The following UQCC6 variants were observed in gnomAD, a reference collection of about 807,000 sequenced individuals.
UQCC6 encodes ubiquinol-cytochrome c reductase complex assembly factor 6, also known as protein BRAWNIN.
chr12:103,956,644 T>C, the UQCC6 span: 417 of 1,550,438 alleles, frequency 2.7e-4, 8 homozygotes, highest in South Asian at 4.6e-3. Flanking sequence ...GTCCGGTCGG[T>C]AGTACCTGTG....
chr12:103,957,432 TTA>T, the UQCC6 span, among the ~76,000 whole-genome samples: 1 of 152,144 alleles, frequency 6.6e-6, no homozygotes, highest in African/African-American at 2.4e-5. Context: ...CCGTGGACTA[TTA>T]TTACATCGTT....
At chr12:103,958,234 G>C in the UQCC6 span, among the ~76,000 whole-genome samples, 2 of 150,190 alleles carry the variant, frequency 1.3e-5, no homozygotes, top group Non-Finnish European at 3.0e-5. Flanking sequence ...AAAAAAGTTA[G>C]TGCAAGGCTA....
At chr12:103,957,996 A>AATATATATTTATTTTTAATATATATTTT in the UQCC6 span, among the ~76,000 whole-genome samples, 20 of 143,068 alleles carry the variant, frequency 1.4e-4, no homozygotes, top group Non-Finnish European at 2.3e-4. Context: ...TTATATATTT[A>AATATATATTTATTTTTAATATATATTTT]TAATATATAT....
chr12:103,960,244 T>C, the UQCC6 span, among the ~76,000 whole-genome samples: 1 of 152,146 alleles, frequency 6.6e-6, no homozygotes, highest in Non-Finnish European at 1.5e-5. Flanking sequence ...CTAATTTGTA[T>C]ATTTTTTTAG....
the UQCC6 span, among the ~76,000 whole-genome samples, chr12:103,951,962 C>A: frequency 6.6e-6 from 1 of 152,180 alleles, no homozygotes; most frequent in African/African-American, 2.4e-5. Context: ...TACTGACTCT[C>A]TACCATGTGC....
At chr12:103,957,892 A>T in the UQCC6 span, among the ~76,000 whole-genome samples, 1 of 115,226 alleles carries the variant, frequency 8.7e-6, no homozygotes, top group African/African-American at 4.0e-5. Flanking sequence ...CTCTACTAAA[A>T]ATATATATAT....
At chr12:103,960,498 T>C in the UQCC6 span, among the ~76,000 whole-genome samples, 1 of 152,236 alleles carries the variant, frequency 6.6e-6, no homozygotes, top group African/African-American at 2.4e-5. Flanking sequence ...TATTCTAATA[T>C]GTGGGTAATG....
At chr12:103,954,988 C>A in the UQCC6 span, 2 of 700,294 alleles carry the variant, frequency 2.9e-6, no homozygotes, top group Non-Finnish European at 5.2e-6. Context: ...GAAATAACAC[C>A]TTCAAAATTG....
chr12:103,956,965 A>G, the UQCC6 span: 18 of 525,264 alleles, frequency 3.4e-5, no homozygotes, highest in African/African-American at 1.9e-4. Flanking sequence ...CCCAGCCCCA[A>G]TCGTTTATCA....
chr12:103,954,669 G>C, the UQCC6 span: 5 of 409,168 alleles, frequency 1.2e-5, no homozygotes, highest in Non-Finnish European at 2.2e-5. Flanking sequence ...TATCCAACCC[G>C]TATCAGTGGA....
chr12:103,963,904 T>TA, the UQCC6 span, among the ~76,000 whole-genome samples: 8 of 152,026 alleles, frequency 5.3e-5, no homozygotes, highest in South Asian at 1.0e-3. Context: ...TTTTTTTTTT[T>TA]ATAGATGTCA....
the UQCC6 span, among the ~76,000 whole-genome samples, chr12:103,957,741 A>G: frequency 6.6e-6 from 1 of 151,838 alleles, no homozygotes; most frequent in Admixed American, 6.6e-5. Flanking sequence ...TTTTTTAAGT[A>G]AAAGGTTAGT....
At chr12:103,960,164 G>A in the UQCC6 span, among the ~76,000 whole-genome samples, 1 of 151,876 alleles carries the variant, frequency 6.6e-6, no homozygotes, top group East Asian at 1.9e-4. Context: ...CTTGACTCCT[G>A]AGTTCAAGCA....
At chr12:103,954,718 A>C in the UQCC6 span, 1 of 495,196 alleles carries the variant, frequency 2.0e-6, no homozygotes, top group Non-Finnish European at 3.6e-6. Context: ...GATATTCACC[A>C]AACAAGAAAC....
At chr12:103,953,544 A>G in the UQCC6 span, 3 of 702,306 alleles carry the variant, frequency 4.3e-6, no homozygotes, top group East Asian at 8.0e-5. Context: ...GCTACAAAGA[A>G]CAAAGTGGTT....
the UQCC6 span, chr12:103,954,825 T>G: frequency 1.6e-6 from 1 of 644,870 alleles, no homozygotes; most frequent in Admixed American, 2.5e-5. Context: ...TTTGAATGTT[T>G]TACAAGAGTA....
chr12:103,956,947 G>C, the UQCC6 span: 1 of 556,382 alleles, frequency 1.8e-6, no homozygotes, highest in Non-Finnish European at 3.2e-6. Flanking sequence ...ACGCCCTCCA[G>C]GCCGAGGCCC....
At chr12:103,951,628 T>A in the UQCC6 span, 3 of 1,505,270 alleles carry the variant, frequency 2.0e-6, no homozygotes, top group Middle Eastern at 1.7e-4. Context: ...TTTCAGGTAT[T>A]GTCTGCAAAA....
chr12:103,961,812 G>A, the UQCC6 span, among the ~76,000 whole-genome samples: 2 of 152,016 alleles, frequency 1.3e-5, no homozygotes, highest in Admixed American at 6.6e-5. Context: ...CACATGCCTC[G>A]GCCTCCCAAA....
Sources: allele counts gnomAD v4.1 joint callset (sites outside exome capture counted in the v4.1 genomes callset), GRCh38; gene constraint gnomAD v4.1.1; transcripts MANE v1.5; gene names NCBI Gene and HGNC (gene_info 2026-07-23, HGNC 2026-07-21).